Variants in SCARA3 observed in about 807,000 individuals in gnomAD.
SCARA3 encodes scavenger receptor class A member 3.
In SCARA3, 39 loss-of-function variants were observed where a neutral mutation model predicts 47.0. The observed-to-expected ratio is 0.83, with a 90% CI of 0.64 to 1.08. The LOEUF is 1.08. Ranked by LOEUF, SCARA3 falls within the 50% of genes least tolerant of loss-of-function variation. The probability of loss-of-function intolerance (pLI) is 0.00; values close to 1 mark genes in which losing one functional copy is unlikely to be tolerated. For synonymous variants in SCARA3, 356 were observed against 334.1 expected (o/e 1.07, Z -0.71); for missense variants, 724 against 792.3 (o/e 0.91, Z 1.04).
At chr8:27,660,532 GAGATAGATAGAT>G (rs11374289) in intron 5 of SCARA3, among the ~76,000 whole-genome samples, 11 of 147,580 alleles carry the variant, frequency 7.5e-5, no homozygotes, top group Admixed American at 2.0e-4. Context: ...AGATAGAGAT[GAGATAGATAGAT>G]AGATAGATAG....
Position 27,658,794 on chromosome 8 carries a change from C to A in SCARA3, c.624C>A (p.Asp208Glu). The A allele has an allele frequency of 6.2e-7, 1 of 1,614,080 alleles. No individual in the cohort carries two copies. Among genetic ancestry groups the A allele is most frequent in the Non-Finnish European group, 8.5e-7 (1 of 1,179,992 alleles). ...TTAGLDLSLK[D>E]LTQECYDVKA... The stretch of plus-strand genomic sequence containing the variant: ...CTGGCCTGGACCTCTCTCTGAAGGA[C>A]CTCACCCAGGAGTGCTACGATGTCA... The change falls in exon 5 of 6, where the codon GAC becomes GAA. Residue 208 changes from aspartate to glutamate, a missense_variant. Coordinates refer to ENST00000301904, the MANE Select transcript of SCARA3 (RefSeq NM_016240.3).
At chr8:27,676,815 T>C (rs1457310732), downstream of SCARA3, 3 of 420,138 alleles carry the variant, frequency 7.1e-6, no homozygotes, top group Non-Finnish European at 1.3e-5. Flanking sequence ...GTGATTAAAA[T>C]ATTTGGACAC....
the SCARA3 span, among the ~76,000 whole-genome samples, chr8:27,708,966 C>T: frequency 3.9e-5 from 6 of 152,134 alleles, no homozygotes; most frequent in African/African-American, 9.6e-5. Flanking sequence ...GTCAGGAAAA[C>T]GGGGAAAGGC....
chr8:27,708,787 C>T, the SCARA3 span, among the ~76,000 whole-genome samples: 1 of 151,876 alleles, frequency 6.6e-6, no homozygotes, highest in Non-Finnish European at 1.5e-5. Context: ...ATAACTTGTT[C>T]ATTATAGACT....
the SCARA3 span, among the ~76,000 whole-genome samples, chr8:27,697,696 G>A: frequency 6.6e-6 from 1 of 152,152 alleles, no homozygotes; most frequent in African/African-American, 2.4e-5. Context: ...TGAATCATGG[G>A]TGTGGTTTCC....
the SCARA3 span, among the ~76,000 whole-genome samples, chr8:27,690,128 A>G: frequency 1.3e-5 from 2 of 152,130 alleles, no homozygotes; most frequent in Non-Finnish European, 1.5e-5. Context: ...TGATCTTAAC[A>G]CTCTGGGATA....
the SCARA3 span, among the ~76,000 whole-genome samples, chr8:27,707,097 G>T: frequency 2.2e-3 from 340 of 152,284 alleles, no homozygotes; most frequent in Non-Finnish European, 4.0e-3. Context: ...CTGAAAAGGA[G>T]GTATCAATTG....
At chr8:27,636,292 C>A (rs988007202) in intron 1 of SCARA3, among the ~76,000 whole-genome samples, 3 of 152,156 alleles carry the variant, frequency 2.0e-5, no homozygotes, top group African/African-American at 7.2e-5. Context: ...CAAGCACCAG[C>A]AGGGTGTGGT....
At chr8:27,637,335 T>G (rs909126887) in intron 1 of SCARA3, among the ~76,000 whole-genome samples, 1 of 152,240 alleles carries the variant, frequency 6.6e-6, no homozygotes, top group African/African-American at 2.4e-5. Context: ...AGGCCCACCT[T>G]GGAGCTTCCC....
Position 27,659,017 on chromosome 8 carries a change from C to T in SCARA3, c.847C>T (p.Leu283=), listed in dbSNP as rs1801827180. The T allele has an allele frequency of 6.2e-7, 1 of 1,614,110 alleles. No homozygotes were observed. The highest frequency in any genetic ancestry group is 8.5e-7 in the Non-Finnish European group (1 of 1,179,996). Residue 283 remains leucine (L), a synonymous_variant, in exon 5 of 6, where the codon CTG becomes TTG. Transcript: ENST00000301904. ...GGCGGTCAAGAACATCCAGGCCACC[C>T]TGGGGGCCTCCTCACAGCGCATCAG... ...GEAVKNIQAT[L]GASSQRISQN...
At chr8:27,718,049 G>C in the SCARA3 span, among the ~76,000 whole-genome samples, 1 of 152,184 alleles carries the variant, frequency 6.6e-6, no homozygotes, top group African/African-American at 2.4e-5. Context: ...GTCCGCACAC[G>C]CATGGCCTTA....
intron 3 of SCARA3, 134 bp downstream of exon 3, chr8:27,651,761 G>C (rs944094360): frequency 1.6e-6 from 2 of 1,267,892 alleles, no homozygotes; most frequent in East Asian, 2.4e-5. Flanking sequence ...TCCTGGCTAG[G>C]GGATCTCTAT....
downstream of SCARA3, among the ~76,000 whole-genome samples, chr8:27,678,783 G>C (rs187264669): frequency 9.2e-5 from 14 of 152,248 alleles, no homozygotes; most frequent in African/African-American, 3.4e-4. Flanking sequence ...CATAAATATA[G>C]AAGTAAAAGC....
intron 3 of SCARA3, among the ~76,000 whole-genome samples, chr8:27,655,867 A>G (rs1801732848): frequency 6.6e-6 from 1 of 152,212 alleles, no homozygotes; most frequent in South Asian, 2.1e-4. Context: ...GTGACATGAT[A>G]CTGATAAAGC....
the SCARA3 span, among the ~76,000 whole-genome samples, chr8:27,729,705 C>T: frequency 1.3e-5 from 2 of 152,048 alleles, no homozygotes; most frequent in South Asian, 4.2e-4. Flanking sequence ...GCAGGAGAAT[C>T]GCGTGAACCC....
At chr8:27,707,496 A>G in the SCARA3 span, among the ~76,000 whole-genome samples, 2 of 152,196 alleles carry the variant, frequency 1.3e-5, no homozygotes, top group Admixed American at 6.5e-5. Flanking sequence ...AAAACATTCA[A>G]CAGAAAGGCC....
chr8:27,660,190 C>G (rs1394611121), intron 5 of SCARA3, among the ~76,000 whole-genome samples: 1 of 148,994 alleles, frequency 6.7e-6, no homozygotes, highest in Non-Finnish European at 1.5e-5. Flanking sequence ...TCCAGAGAAA[C>G]AGAATCAATA....
intron 1 of SCARA3, among the ~76,000 whole-genome samples, chr8:27,641,794 A>T (rs1801387675): frequency 6.6e-6 from 1 of 152,158 alleles, no homozygotes; most frequent in Non-Finnish European, 1.5e-5. Context: ...TGAGACAGTA[A>T]ATCCCATGTC....
chr8:27,686,664 C>G, the SCARA3 span, among the ~76,000 whole-genome samples: 1 of 152,178 alleles, frequency 6.6e-6, no homozygotes, highest in East Asian at 1.9e-4. Flanking sequence ...CTTTATTGCT[C>G]TGGGCTTAAA....
Sources: allele counts gnomAD v4.1 joint callset (sites outside exome capture counted in the v4.1 genomes callset), GRCh38; gene constraint gnomAD v4.1.1; transcripts MANE v1.5; gene names NCBI Gene and HGNC (gene_info 2026-07-23, HGNC 2026-07-21).